Variants in SCHIP1 observed in about 807,000 individuals in gnomAD.
SCHIP1 encodes schwannomin interacting protein 1, also known as schwannomin-interacting protein 1.
In SCHIP1, 8 loss-of-function variants were observed where a neutral mutation model predicts 29.7. That is an observed-to-expected ratio of 0.27 (90% CI 0.16 to 0.49). The LOEUF is 0.49. SCHIP1 is among the 20% of genes least tolerant of loss of function. The probability of loss-of-function intolerance (pLI) is 0.99; values close to 1 mark genes in which losing one functional copy is unlikely to be tolerated. For missense variants in SCHIP1, 193 were observed against 294.6 expected, an observed-to-expected ratio of 0.66 and a Z score of 2.52; for synonymous variants, 76 against 94.9, an observed-to-expected ratio of 0.80 and a Z score of 1.16.
At chr3:159,896,584 A>C in intron 6 of SCHIP1, 139 bp from the exon 8 acceptor site, 1 of 691,890 alleles carries the variant, frequency 1.4e-6, no homozygotes, top group Non-Finnish European at 2.1e-6. Context: ...GAGTTTGAAT[A>C]AGGTACTTTT....
At chr3:159,577,014 C>T in the SCHIP1 span, among the ~76,000 whole-genome samples, 5 of 152,180 alleles carry the variant, frequency 3.3e-5, 1 homozygote, top group Middle Eastern at 6.8e-3. Context: ...TTCTGTATTG[C>T]CAAAAGCAGT....
At chr3:159,398,213 AC>A in the SCHIP1 span, among the ~76,000 whole-genome samples, 1 of 151,996 alleles carries the variant, frequency 6.6e-6, no homozygotes, top group Non-Finnish European at 1.5e-5. Context: ...CCACTGACCT[AC>A]GCCCACTGTC....
the SCHIP1 span, among the ~76,000 whole-genome samples, chr3:159,354,522 AT>A: frequency 3.3e-5 from 5 of 152,176 alleles, no homozygotes; most frequent in Non-Finnish European, 7.4e-5. Context: ...CATGCTCTAA[AT>A]TTTATAAACT....
chr3:159,372,172 C>G, the SCHIP1 span, among the ~76,000 whole-genome samples: 1 of 152,046 alleles, frequency 6.6e-6, no homozygotes, highest in Non-Finnish European at 1.5e-5. Flanking sequence ...AAGCTGTTAT[C>G]TCTAATTTCT....
At chr3:159,309,156 C>A in the SCHIP1 span, 62 of 215,680 alleles carry the variant, frequency 2.9e-4, no homozygotes, top group South Asian at 8.3e-4. Context: ...TAAAAAAAAA[C>A]AATTATAATG....
the SCHIP1 span, among the ~76,000 whole-genome samples, chr3:159,520,404 C>T: frequency 1.3e-5 from 2 of 152,128 alleles, no homozygotes; most frequent in East Asian, 3.9e-4. Flanking sequence ...CTTGGGGGTA[C>T]AGGACCCTAC....
Position 159,876,401 on chromosome 3 carries a change from T to A in SCHIP1, c.150-9806T>A, listed in dbSNP as rs1168829360. Among the ~76,000 whole-genome samples the A allele has an allele frequency of 6.6e-5, 10 of 152,314 alleles. No individual in the cohort carries two copies. In the East Asian group the frequency reaches 1.9e-3, roughly 29 times the overall value. ...ACTAGCACTTACTAATGGCTTCACT[T>A]GTGGCTCAGTTTCCTCATCTGTAAA... On this transcript the variant is annotated intron_variant, in intron 2 of 6. Coordinates refer to ENST00000445224, the Ensembl canonical transcript of SCHIP1.
the SCHIP1 span, among the ~76,000 whole-genome samples, chr3:159,422,102 T>G: frequency 1.3e-5 from 2 of 152,240 alleles, no homozygotes; most frequent in Non-Finnish European, 1.5e-5. Flanking sequence ...CAGCATTTCC[T>G]CTGTAAGGGA....
At chr3:159,500,816 A>G in the SCHIP1 span, among the ~76,000 whole-genome samples, 1 of 152,108 alleles carries the variant, frequency 6.6e-6, no homozygotes, top group Non-Finnish European at 1.5e-5. Flanking sequence ...TTTGCCTAAG[A>G]ACCAAACTGT....
At chr3:159,289,473 A>T in the SCHIP1 span, among the ~76,000 whole-genome samples, 1 of 151,818 alleles carries the variant, frequency 6.6e-6, no homozygotes, top group African/African-American at 2.4e-5. Flanking sequence ...TTGTGTTTGG[A>T]GTGTTTTCCT....
the SCHIP1 span, among the ~76,000 whole-genome samples, chr3:159,300,845 T>A: frequency 6.6e-6 from 1 of 152,186 alleles, no homozygotes; most frequent in African/African-American, 2.4e-5. Flanking sequence ...GTCCTTATCA[T>A]ACTCAATGGA....
the SCHIP1 span, among the ~76,000 whole-genome samples, chr3:159,436,893 C>T: frequency 6.6e-6 from 1 of 151,966 alleles, no homozygotes; most frequent in Non-Finnish European, 1.5e-5. Flanking sequence ...CTCTAGGGTC[C>T]TTTATTTGTC....
At chr3:159,613,815 A>G in the SCHIP1 span, among the ~76,000 whole-genome samples, 2 of 152,220 alleles carry the variant, frequency 1.3e-5, no homozygotes, top group African/African-American at 4.8e-5. Context: ...TTGCTCATTT[A>G]TCTATGTATA....
chr3:159,644,086 G>GA, the SCHIP1 span, among the ~76,000 whole-genome samples: 1 of 152,118 alleles, frequency 6.6e-6, no homozygotes, highest in East Asian at 1.9e-4. Context: ...GGTATGTTTT[G>GA]AGGGGCCCAC....
chr3:159,764,770 AGCGGCG>A, the SCHIP1 span: 23 of 1,569,992 alleles, frequency 1.5e-5, 1 homozygote, highest in South Asian at 2.2e-4. This position sits in a 1 kb window ranked among gnomAD's most constrained non-coding sequence, Gnocchi z 6.1. Flanking sequence ...CAGGACCCGC[AGCGGCG>A]GCGGCGGGGG....
chr3:159,546,727 C>T, the SCHIP1 span, among the ~76,000 whole-genome samples: 2 of 152,162 alleles, frequency 1.3e-5, no homozygotes, highest in Admixed American at 1.3e-4. Flanking sequence ...CCAGCTTCAT[C>T]CATGTTCCTT....
the SCHIP1 span, among the ~76,000 whole-genome samples, chr3:159,801,336 A>T: frequency 6.6e-6 from 1 of 152,214 alleles, no homozygotes. Flanking sequence ...GTGTTCTAGA[A>T]CATAAACATT....
At chr3:159,582,785 T>TAC in the SCHIP1 span, among the ~76,000 whole-genome samples, 914 of 80,458 alleles carry the variant, frequency 0.011, 4 homozygotes, top group Middle Eastern at 0.014. Flanking sequence ...GAAATATATA[T>TAC]ATACACACAC....
chr3:159,412,541 T>A, the SCHIP1 span, among the ~76,000 whole-genome samples: 1 of 152,142 alleles, frequency 6.6e-6, no homozygotes, highest in African/African-American at 2.4e-5. Flanking sequence ...ACCTGCAGGG[T>A]AACCATTGTG....
Sources: allele counts gnomAD v4.1 joint callset (sites outside exome capture counted in the v4.1 genomes callset), GRCh38; gene constraint gnomAD v4.1.1; non-coding constraint Gnocchi (gnomAD v3.1); transcripts MANE v1.5; gene names NCBI Gene and HGNC (gene_info 2026-07-23, HGNC 2026-07-21).